The following MARCHF1 variants were observed in gnomAD, a reference collection of about 807,000 sequenced individuals.
MARCHF1 encodes membrane associated ring-CH-type finger 1.
Under a neutral mutation model 54.2 loss-of-function variants are expected in MARCHF1, and 40 were observed. The observed-to-expected ratio is 0.74, with a 90% confidence interval of 0.57 to 0.96. The LOEUF (loss-of-function observed/expected upper bound fraction) is 0.96. Among genes scored for constraint, MARCHF1 ranks in the 40% least tolerant of loss-of-function variants. The probability of loss-of-function intolerance (pLI) is 0.00; values close to 1 mark genes in which losing one functional copy is unlikely to be tolerated. For synonymous variants in MARCHF1, 236 were observed against 236.3 expected (o/e 1.00, Z 0.01); for missense variants, 586 against 656.5 (o/e 0.89, Z 1.17).
chr4:164,238,868 T>C (rs1732644211), intron 1 of MARCHF1, among the ~76,000 whole-genome samples: 1 of 152,186 alleles, frequency 6.6e-6, no homozygotes, highest in Admixed American at 6.5e-5. Flanking sequence ...AAATGTCTTA[T>C]GTATTTCTAT....
chr4:164,051,014 A>G (rs1754353827), intron 2 of MARCHF1, among the ~76,000 whole-genome samples: 1 of 152,100 alleles, frequency 6.6e-6, no homozygotes, highest in Non-Finnish European at 1.5e-5. Context: ...TACTATTCTA[A>G]CTCGCATTCC....
chr4:163,912,415 T>C (rs1470213427), intron 3 of MARCHF1, among the ~76,000 whole-genome samples: 1 of 152,146 alleles, frequency 6.6e-6, no homozygotes, highest in East Asian at 1.9e-4. Context: ...AACACAGATT[T>C]ATTCAGAGCA....
intron 1 of MARCHF1, among the ~76,000 whole-genome samples, chr4:164,162,445 G>C (rs1730262953): frequency 1.3e-5 from 2 of 152,086 alleles, no homozygotes; most frequent in Non-Finnish European, 2.9e-5. Context: ...TGTGAGGAAA[G>C]AGCTGCCTGA....
intron 1 of MARCHF1, among the ~76,000 whole-genome samples, chr4:164,334,666 G>T (rs1048376772): frequency 6.6e-5 from 10 of 152,076 alleles, no homozygotes; most frequent in African/African-American, 1.4e-4. Context: ...ATAGATCAAG[G>T]AATAATTTTG....
At chr4:164,199,632 TCACA>T (rs376565727) in intron 1 of MARCHF1, among the ~76,000 whole-genome samples, 1,481 of 114,480 alleles carry the variant, frequency 0.013, 13 homozygotes, top group African/African-American at 0.024. Context: ...CAGGACTCTG[TCACA>T]CACACACACA....
At chr4:164,335,647 C>G (rs988899870) in intron 1 of MARCHF1, among the ~76,000 whole-genome samples, 1 of 151,760 alleles carries the variant, frequency 6.6e-6, no homozygotes, top group Non-Finnish European at 1.5e-5. Flanking sequence ...ACACCCTGAT[C>G]GGTCAGCAGC....
chr4:163,687,138 A>T (rs6819497), intron 5 of MARCHF1, among the ~76,000 whole-genome samples: 109,860 of 152,074 alleles, frequency 0.72, 40,413 homozygotes, highest in African/African-American at 0.86. Context: ...AGTTGGGGAA[A>T]CAAGAAAGTA....
rs1490575203 is a variant in MARCHF1, at chr4:163,733,224, C to T, written c.112-32361G>A. On this transcript the variant is annotated intron_variant, in intron 4 of 9. Transcript: ENST00000514618. The stretch of plus-strand genomic sequence containing the variant: ...ATATATATATATATATATATATACA[C>T]GTGTATATATATATATACACGTGTA... Among the ~76,000 whole-genome samples, 41 of 11,510 alleles carry T rather than the reference C, an allele frequency of 3.6e-3. 3 individuals are homozygous for T. Among genetic ancestry groups the T allele is most frequent in the Non-Finnish European group, 9.2e-3 (39 of 4,228 alleles). 7.6% of individuals were successfully genotyped at this position (11,510 alleles called of 152,430 possible).
intron 3 of MARCHF1, among the ~76,000 whole-genome samples, chr4:163,980,316 G>A (rs1752736651): frequency 7.3e-6 from 1 of 136,574 alleles, no homozygotes. Context: ...CTAGCCATAT[G>A]TAGAAAGCTG....
At chr4:163,931,187 G>A (rs1751665139) in intron 3 of MARCHF1, among the ~76,000 whole-genome samples, 1 of 152,128 alleles carries the variant, frequency 6.6e-6, no homozygotes, top group Non-Finnish European at 1.5e-5. Flanking sequence ...CTCAATCTTG[G>A]ACTTCTAGCC....
At chr4:163,980,444 G>A (rs1019519969) in intron 3 of MARCHF1, among the ~76,000 whole-genome samples, 1 of 150,054 alleles carries the variant, frequency 6.7e-6, no homozygotes, top group Non-Finnish European at 1.5e-5. Flanking sequence ...TACCATTCAG[G>A]ACATAGGCAT....
intron 1 of MARCHF1, among the ~76,000 whole-genome samples, chr4:164,132,194 CCT>C (rs1190975841): frequency 5.3e-5 from 8 of 152,122 alleles, no homozygotes; most frequent in Non-Finnish European, 1.0e-4. Context: ...CGTCTTCCTT[CCT>C]CTTTCTTCGT....
intron 3 of MARCHF1, among the ~76,000 whole-genome samples, chr4:163,911,827 G>C (rs776003861): frequency 1.1e-4 from 17 of 152,080 alleles, no homozygotes; most frequent in Non-Finnish European, 2.4e-4. Flanking sequence ...ACTATGCAAG[G>C]GGAGAGATTT....
chr4:163,957,359 A>G (rs539314388), intron 3 of MARCHF1, among the ~76,000 whole-genome samples: 37 of 152,252 alleles, frequency 2.4e-4, no homozygotes, highest in African/African-American at 8.2e-4. Flanking sequence ...AGAACAAACT[A>G]GTATAAAACA....
intron 9 of MARCHF1, among the ~76,000 whole-genome samples, chr4:163,534,542 G>A (rs1445095747): frequency 6.6e-6 from 1 of 152,084 alleles, no homozygotes; most frequent in African/African-American, 2.4e-5. Context: ...GTATCATGGA[G>A]TTAAACTCTT....
At chr4:163,530,884 A>G (rs1475976578) in intron 9 of MARCHF1, among the ~76,000 whole-genome samples, 3 of 151,932 alleles carry the variant, frequency 2.0e-5, no homozygotes, top group Non-Finnish European at 4.4e-5. Context: ...ACTTCAAAAT[A>G]TCATTGGCCA....
chr4:163,852,291 A>C (rs1351122171), intron 4 of MARCHF1, among the ~76,000 whole-genome samples: 1 of 152,054 alleles, frequency 6.6e-6, no homozygotes, highest in Non-Finnish European at 1.5e-5. Flanking sequence ...TTATTAGGTT[A>C]CCCAATTATA....
At chr4:163,889,355 T>C (rs560030760) in intron 3 of MARCHF1, among the ~76,000 whole-genome samples, 82 of 152,266 alleles carry the variant, frequency 5.4e-4, no homozygotes, top group African/African-American at 1.9e-3. Context: ...ACACAAGTCA[T>C]AGTCCTGGAG....
At chr4:164,303,300 A>G (rs1011005393) in intron 1 of MARCHF1, among the ~76,000 whole-genome samples, 1 of 152,214 alleles carries the variant, frequency 6.6e-6, no homozygotes, top group African/African-American at 2.4e-5. Flanking sequence ...CCAGTGCAAT[A>G]AAGGCAAGAA....
Sources: gnomAD v4.1 joint callset for allele counts (sites outside exome capture counted in the v4.1 genomes callset) on GRCh38, gnomAD v4.1.1 for gene constraint, MANE v1.5 for transcripts, NCBI Gene and HGNC (gene_info 2026-07-23, HGNC 2026-07-21) for gene names.